LRBA: variants seen among roughly 807,000 people sequenced by gnomAD.
LRBA encodes lipopolysaccharide-responsive and beige-like anchor protein.
LRBA carries 176 observed loss-of-function variants against 330.0 expected under a neutral mutation model. The ratio of observed to expected loss-of-function variants is 0.53; its 90% CI spans 0.47 to 0.60. LRBA has a LOEUF of 0.60. Ranked by LOEUF, LRBA falls within the 20% of genes least tolerant of loss-of-function variation. The pLI is 0.00. For missense variants in LRBA, 3,259 were observed against 3,444.8 expected (o/e 0.95, Z 1.35); for synonymous variants, 1,230 against 1,193.0 (o/e 1.03, Z -0.64).
At chr4:150,981,969 A>G (rs1740901804) in intron 2 of LRBA, among the ~76,000 whole-genome samples, 1 of 152,006 alleles carries the variant, frequency 6.6e-6, no homozygotes, top group Non-Finnish European at 1.5e-5. Flanking sequence ...TCTCAAAAAA[A>G]AAAAAAAAAA....
At chr4:150,892,780 A>G (rs1422946398) in intron 17 of LRBA, among the ~76,000 whole-genome samples, 3 of 152,226 alleles carry the variant, frequency 2.0e-5, no homozygotes, top group Non-Finnish European at 4.4e-5. Context: ...AGAAGTCAAC[A>G]ATACAGTAGC....
At position 150,638,184 on chromosome 4, in the gene LRBA, G is replaced by GGCTTGC. The variant is rs757854150; in HGVS notation, c.5922-39054_5922-39053insGCAAGC. Among the ~76,000 whole-genome samples the GGCTTGC allele has an allele frequency of 1.6e-3, 244 of 151,448 alleles. 1 individual carries two copies. Among genetic ancestry groups the GGCTTGC allele is most frequent in the Admixed American group, 3.7e-3 (56 of 15,204 alleles). ...AAAGCTGGGATTACAGGCAAGCACC[G>GGCTTGC]CTATGCCTGGCTAATGTTATCTTTA... On this transcript the variant is annotated intron_variant, in intron 37 of 56. Coordinates refer to ENST00000651943, the MANE Select transcript of LRBA (RefSeq NM_001364905.1).
At chr4:150,904,373 T>C (rs1397844455) in intron 13 of LRBA, among the ~76,000 whole-genome samples, 1 of 152,190 alleles carries the variant, frequency 6.6e-6, no homozygotes, top group Non-Finnish European at 1.5e-5. Flanking sequence ...ATAAAACCCC[T>C]TGTGGATACA....
chr4:150,419,559 C>T (rs565436532), intron 46 of LRBA, among the ~76,000 whole-genome samples: 19 of 150,112 alleles, frequency 1.3e-4, no homozygotes, highest in African/African-American at 4.4e-4. Flanking sequence ...TTCTTGTACA[C>T]TTGAGTTGGT....
intron 37 of LRBA, among the ~76,000 whole-genome samples, chr4:150,646,199 A>G (rs1037251374): frequency 6.6e-6 from 1 of 152,032 alleles, no homozygotes; most frequent in Non-Finnish European, 1.5e-5. Flanking sequence ...GGTAGAACCA[A>G]TAAAATTTCC....
chr4:150,888,159 G>GA (rs901511364), intron 17 of LRBA, among the ~76,000 whole-genome samples: 5 of 151,824 alleles, frequency 3.3e-5, no homozygotes, highest in Admixed American at 6.6e-5. Context: ...AAAAGGAAAG[G>GA]AAAAAAATGA....
At chr4:150,690,121 A>C (rs749032963) in intron 36 of LRBA, among the ~76,000 whole-genome samples, 14 of 152,164 alleles carry the variant, frequency 9.2e-5, no homozygotes, top group African/African-American at 1.9e-4. Flanking sequence ...CAACATTTTA[A>C]AAATTGATTT....
intron 25 of LRBA, 152 bp downstream of exon 25, chr4:150,849,270 C>T (rs1359743931): frequency 1.5e-6 from 1 of 677,474 alleles, no homozygotes; most frequent in Admixed American, 3.0e-5. Context: ...ATTACTAGAA[C>T]AGATTCTAAG....
chr4:150,381,076 AGT>A (rs1742194171), intron 47 of LRBA, among the ~76,000 whole-genome samples: 1 of 151,998 alleles, frequency 6.6e-6, no homozygotes, highest in South Asian at 2.1e-4. Flanking sequence ...GCCGAATTTA[AGT>A]GGTCTCTCCA....
At chr4:150,560,176 G>T (rs1581678300) in intron 40 of LRBA, among the ~76,000 whole-genome samples, 2 of 150,816 alleles carry the variant, frequency 1.3e-5, no homozygotes, top group Non-Finnish European at 2.9e-5. Context: ...GAAAAAAAGT[G>T]GTGTGTGTAT....
intron 44 of LRBA, among the ~76,000 whole-genome samples, chr4:150,453,756 C>A (rs907662068): frequency 6.6e-6 from 1 of 152,112 alleles, no homozygotes; most frequent in African/African-American, 2.4e-5. Flanking sequence ...CCAGAGCTCA[C>A]AGGTTGGGAA....
intron 36 of LRBA, among the ~76,000 whole-genome samples, chr4:150,709,593 A>G (rs1785978298): frequency 6.6e-6 from 1 of 151,938 alleles, no homozygotes; most frequent in Non-Finnish European, 1.5e-5. Flanking sequence ...TGTAATTAGT[A>G]CTCATTTATT....
At chr4:150,757,015 A>C (rs1734401551) in intron 35 of LRBA, among the ~76,000 whole-genome samples, 1 of 151,374 alleles carries the variant, frequency 6.6e-6, no homozygotes, top group African/African-American at 2.4e-5. Context: ...CTTGCTCATA[A>C]CTTGTGAAAA....
intron 35 of LRBA, among the ~76,000 whole-genome samples, chr4:150,756,992 G>A (rs908721037): frequency 6.6e-6 from 1 of 151,910 alleles, no homozygotes; most frequent in African/African-American, 2.4e-5. Flanking sequence ...TAGTATTCAG[G>A]AATAACAATG....
chr4:150,808,301 A>G lies in LRBA; in HGVS notation c.5384+19T>C, dbSNP rs746676541. On this transcript the variant is annotated intron_variant, in intron 32 of 56. Transcript: ENST00000651943. ...TCAAAAGGTATAAATCACAATATTC[A>G]AGTTAGTAGCTTAAATACCTCATAT... 3 of 1,555,206 alleles carry G rather than the reference A, an allele frequency of 1.9e-6. No individual in the cohort carries two copies. The highest frequency in any genetic ancestry group is 2.7e-6 in the Non-Finnish European group (3 of 1,130,640).
chr4:150,757,714 T>C (rs888488973), intron 35 of LRBA, among the ~76,000 whole-genome samples: 1 of 152,194 alleles, frequency 6.6e-6, no homozygotes, highest in African/African-American at 2.4e-5. Context: ...CCAAATCCAC[T>C]GATTTAGAAA....
At chr4:150,648,177 A>AAAAAAC (rs1779372610) in intron 37 of LRBA, among the ~76,000 whole-genome samples, 1 of 131,486 alleles carries the variant, frequency 7.6e-6, no homozygotes, top group African/African-American at 2.6e-5. Flanking sequence ...AAAAAAAAAA[A>AAAAAAC]CTAGAAAAGA....
chr4:150,843,339 A>G (rs1749382520), intron 28 of LRBA, among the ~76,000 whole-genome samples: 1 of 152,226 alleles, frequency 6.6e-6, no homozygotes, highest in Non-Finnish European at 1.5e-5. Flanking sequence ...GTTTGTAAGA[A>G]ATATATATGT....
At chr4:150,292,284 A>T (rs1197544732) in intron 53 of LRBA, among the ~76,000 whole-genome samples, 1 of 152,222 alleles carries the variant, frequency 6.6e-6, no homozygotes, top group East Asian at 1.9e-4. Flanking sequence ...AGGTACAAAT[A>T]GATCTGACAT....
Sources: allele counts gnomAD v4.1 joint callset (sites outside exome capture counted in the v4.1 genomes callset), GRCh38; gene constraint gnomAD v4.1.1; transcripts MANE v1.5; gene names NCBI Gene and HGNC (gene_info 2026-07-23, HGNC 2026-07-21).